TNIK: variants seen among roughly 807,000 people sequenced by gnomAD.
TNIK encodes the protein TRAF2 and NCK-interacting protein kinase.
Under a neutral mutation model 191.3 loss-of-function variants are expected in TNIK, and 49 were observed. That is an observed-to-expected ratio of 0.26 (90% CI 0.20 to 0.32). The LOEUF (loss-of-function observed/expected upper bound fraction) is 0.32. TNIK is among the 10% of genes least tolerant of loss of function. TNIK has a pLI of 1.00. For missense variants in TNIK, 1,155 were observed against 1,702.3 expected, an observed-to-expected ratio of 0.68 and a Z score of 5.66; for synonymous variants, 594 against 600.9, an observed-to-expected ratio of 0.99 and a Z score of 0.17.
chr3:171,370,288 T>C (rs977131377), intron 1 of TNIK, among the ~76,000 whole-genome samples: 7 of 152,228 alleles, frequency 4.6e-5, no homozygotes, highest in African/African-American at 1.4e-4. Flanking sequence ...CTCCAGTTCC[T>C]GCAGTACCTG....
chr3:171,459,948 C>T, intron 1 of TNIK, 59 bp downstream of exon 1: 2 of 1,537,902 alleles, frequency 1.3e-6, no homozygotes, highest in Non-Finnish European at 1.8e-6. Context: ...AGTCCACGCA[C>T]CGAGCCCATT....
At chr3:171,432,275 G>C (rs1431507725) in intron 1 of TNIK, among the ~76,000 whole-genome samples, 1 of 152,116 alleles carries the variant, frequency 6.6e-6, no homozygotes, top group Non-Finnish European at 1.5e-5. Flanking sequence ...AATTTCAAAA[G>C]ACGGATACAA....
chr3:171,150,282 G>T (rs753864420), intron 12 of TNIK, among the ~76,000 whole-genome samples: 1 of 152,212 alleles, frequency 6.6e-6, no homozygotes, highest in Admixed American at 6.5e-5. Flanking sequence ...TGGTTTGTAT[G>T]TATTACATCC....
intron 2 of TNIK, among the ~76,000 whole-genome samples, chr3:171,317,055 C>T (rs1043113245): frequency 7.4e-5 from 11 of 149,334 alleles, no homozygotes; most frequent in South Asian, 4.2e-4. Flanking sequence ...ATTAAAAGAT[C>T]GTATCTGAAA....
chr3:171,078,109 C>T (rs1720221716), intron 28 of TNIK, among the ~76,000 whole-genome samples: 1 of 152,020 alleles, frequency 6.6e-6, no homozygotes, highest in South Asian at 2.1e-4. Context: ...TTTTGAAGGC[C>T]TTCTCATTTC....
At position 171,123,601 on chromosome 3, in the gene TNIK, T is replaced by G. The variant is rs1325130468; in HGVS notation, c.2115A>C (p.Arg705Ser). The change falls in exon 18 of 33, where the codon AGA becomes AGC. Residue 705 changes from arginine to serine, a missense_variant. Coordinates refer to ENST00000436636, the MANE Select transcript of TNIK (RefSeq NM_015028.4). ...LGPRLGSQPI[R>S]ASNPDLRRTE... ...TAACCACCTTCCTTTCTTACCTTGCTCTGATGGGTTGAGATCCTAGTCTGG... is the reference window on the plus strand; with the variant it reads ...TAACCACCTTCCTTTCTTACCTTGCGCTGATGGGTTGAGATCCTAGTCTGG... 2 of 1,558,056 alleles carry G rather than the reference T, an allele frequency of 1.3e-6. No individual in the cohort carries two copies. Among genetic ancestry groups the G allele is most frequent in the Non-Finnish European group, 1.7e-6 (2 of 1,149,678 alleles).
chr3:171,321,053 A>G (rs188559106), intron 2 of TNIK, among the ~76,000 whole-genome samples: 34 of 152,352 alleles, frequency 2.2e-4, no homozygotes, highest in African/African-American at 7.0e-4. Context: ...GATAACTCCA[A>G]TTAAAAGTAG....
At chr3:171,246,284 G>C (rs1312836925) in intron 2 of TNIK, among the ~76,000 whole-genome samples, 6 of 138,220 alleles carry the variant, frequency 4.3e-5, no homozygotes, top group Non-Finnish European at 1.6e-5. Context: ...TAGAGAACCA[G>C]ATAAAAAAAA....
At chr3:171,379,500 A>G (rs540045611) in intron 1 of TNIK, among the ~76,000 whole-genome samples, 5 of 152,290 alleles carry the variant, frequency 3.3e-5, no homozygotes, top group Admixed American at 3.3e-4. Flanking sequence ...CACGACTACA[A>G]ACCTGCTTGT....
chr3:171,093,107 A>G (rs1722272050), intron 23 of TNIK, among the ~76,000 whole-genome samples: 1 of 152,202 alleles, frequency 6.6e-6, no homozygotes. Context: ...CTTTCCTTCC[A>G]AGTAAATATC....
rs1470962187 is a variant in TNIK at position 171,369,623 on chromosome 3, A to G, written c.120T>C (p.Tyr40=). The G allele has an allele frequency of 6.3e-7, 1 of 1,575,298 alleles. No homozygotes were observed. The highest frequency in any genetic ancestry group is 8.6e-7 in the Non-Finnish European group (1 of 1,159,216). ...LVGNGTYGQV[Y]KGRHVKTGQL... is the part of the protein sequence containing the mutation. The stretch of plus-strand genomic sequence containing the variant: ...CTCTCAGACTCAATGTACTTACCTT[A>G]TAAACTTGCCCGTATGTTCCATTTC... Residue 40 remains tyrosine (Y), a synonymous_variant, in exon 2 of 33, where the codon TAT becomes TAC. Transcript: ENST00000436636.
At chr3:171,383,242 T>G (rs1289519020) in intron 1 of TNIK, among the ~76,000 whole-genome samples, 2 of 152,224 alleles carry the variant, frequency 1.3e-5, no homozygotes, top group Non-Finnish European at 1.5e-5. Flanking sequence ...TTCACAAGGC[T>G]GACTACACCT....
intron 2 of TNIK, among the ~76,000 whole-genome samples, chr3:171,315,711 C>A (rs991631707): frequency 6.6e-6 from 1 of 151,976 alleles, no homozygotes; most frequent in African/African-American, 2.4e-5. Flanking sequence ...TCTTGACATT[C>A]CCTGGCTTAC....
intron 22 of TNIK, among the ~76,000 whole-genome samples, chr3:171,100,962 A>G (rs1383455255): frequency 6.6e-6 from 1 of 152,180 alleles, no homozygotes; most frequent in African/African-American, 2.4e-5. Flanking sequence ...CTGCATGATT[A>G]TCTGAGTCCT....
At chr3:171,244,468 CACTT>C (rs937182690) in intron 2 of TNIK, among the ~76,000 whole-genome samples, 42 of 152,070 alleles carry the variant, frequency 2.8e-4, no homozygotes, top group Non-Finnish European at 4.0e-4. Flanking sequence ...CAAACATACT[CACTT>C]ATTCTGGGGG....
intron 1 of TNIK, among the ~76,000 whole-genome samples, chr3:171,422,862 G>T (rs150846996): frequency 2.0e-4 from 31 of 152,254 alleles, no homozygotes; most frequent in African/African-American, 6.7e-4. Context: ...CAGAACCCTG[G>T]GATCTTCATC....
Position 171,321,229 on chromosome 3 carries a change from A to C in TNIK, c.123+48391T>G, listed in dbSNP as rs553971169. Among the ~76,000 whole-genome samples the C allele has an allele frequency of 2.0e-5, 3 of 152,328 alleles. No homozygotes were observed. The South Asian group carries it at 6.2e-4, about 32-fold the overall frequency. The stretch of plus-strand genomic sequence containing the variant: ...GCCCTAACACTGGCAAATCCAAGAA[A>C]TTCAAGACATGTAATCAAAAATAGA... On this transcript the variant is annotated intron_variant, in intron 2 of 32. Coordinates refer to ENST00000436636, the MANE Select transcript of TNIK (RefSeq NM_015028.4).
At position 171,059,110 on chromosome 3, in the gene TNIK, G is replaced by A. The variant is rs139038310; in HGVS notation, c.*4771C>T. ...CCTCAATAGTGCAATGCAACTTGGTGCTGATAAAAATAAACCATTAAAACC... is the reference window on the plus strand; with the variant it reads ...CCTCAATAGTGCAATGCAACTTGGTACTGATAAAAATAAACCATTAAAACC... On this transcript the variant is annotated 3_prime_UTR_variant, in exon 33 of 33. Coordinates refer to ENST00000436636, the MANE Select transcript of TNIK (RefSeq NM_015028.4). 5.9e-5 allele frequency among the ~76,000 whole-genome samples: 9 copies of A among 152,294 alleles called. No individual in the cohort carries two copies. In the East Asian group the frequency reaches 1.7e-3, roughly 29 times the overall value.
chr3:171,253,952 T>C (rs940091955), intron 2 of TNIK, among the ~76,000 whole-genome samples: 2 of 152,166 alleles, frequency 1.3e-5, no homozygotes, highest in African/African-American at 2.4e-5. Flanking sequence ...CTAGCAAAAT[T>C]ATGAAGTGTG....
Sources: gnomAD v4.1 joint callset for allele counts (sites outside exome capture counted in the v4.1 genomes callset) on GRCh38, gnomAD v4.1.1 for gene constraint, MANE v1.5 for transcripts, NCBI Gene and HGNC (gene_info 2026-07-23, HGNC 2026-07-21) for gene names.